SKAP2: variants seen among roughly 807,000 people sequenced by gnomAD.
SKAP2 encodes the protein src kinase-associated phosphoprotein 2.
In SKAP2, 28 loss-of-function variants were observed where a neutral mutation model predicts 54.9. The observed-to-expected ratio is 0.51, with a 90% confidence interval of 0.38 to 0.70. SKAP2 has a LOEUF of 0.70. Among genes scored for constraint, SKAP2 ranks in the 30% least tolerant of loss-of-function variants. The probability of loss-of-function intolerance (pLI) is 0.00; values close to 1 mark genes in which losing one functional copy is unlikely to be tolerated. For synonymous variants in SKAP2, 137 were observed against 134.3 expected, an observed-to-expected ratio of 1.02 and a Z score of -0.14; for missense variants, 356 against 424.1, an observed-to-expected ratio of 0.84 and a Z score of 1.41.
chr7:26,767,314 C>T (rs946395929), intron 4 of SKAP2, among the ~76,000 whole-genome samples: 3 of 151,980 alleles, frequency 2.0e-5, no homozygotes, highest in Non-Finnish European at 4.4e-5. Context: ...CAGTGGTGAT[C>T]GCCCCATTAT....
At chr7:26,692,375 G>A (rs1302092081) in intron 9 of SKAP2, among the ~76,000 whole-genome samples, 2 of 152,026 alleles carry the variant, frequency 1.3e-5, no homozygotes, top group African/African-American at 4.8e-5. Flanking sequence ...AACATGTCTG[G>A]GCAACTGCAA....
At chr7:26,803,772 G>T (rs1400487896) in intron 4 of SKAP2, among the ~76,000 whole-genome samples, 2 of 152,156 alleles carry the variant, frequency 1.3e-5, no homozygotes, top group African/African-American at 4.8e-5. Flanking sequence ...ATACACAATG[G>T]AGTACTATTC....
At chr7:26,754,748 TA>T (rs1253381485) in intron 4 of SKAP2, among the ~76,000 whole-genome samples, 1 of 152,184 alleles carries the variant, frequency 6.6e-6, no homozygotes, top group Non-Finnish European at 1.5e-5. Context: ...CAGCCACACT[TA>T]AACATCACAT....
At chr7:26,792,313 T>C (rs1009087993) in intron 4 of SKAP2, among the ~76,000 whole-genome samples, 8 of 152,190 alleles carry the variant, frequency 5.3e-5, no homozygotes, top group Non-Finnish European at 7.3e-5. Flanking sequence ...ACTCATCACA[T>C]TGTTCACTTT....
chr7:26,834,026 CAGGATTAAG>C lies in SKAP2; in HGVS notation c.307+9995_307+10003del, dbSNP rs1228934658. Among the ~76,000 whole-genome samples the C allele has an allele frequency of 4.6e-5, 7 of 152,318 alleles. No individual in the cohort carries two copies. The East Asian group carries it at 1.4e-3, about 29-fold the overall frequency. Reference sequence around the variant, plus strand: ...ACCACAGTGCAAGTAAATTAGAACTCAGGATTAAGAAACTCACTCAACACCGCACAACTA... The same window carrying C: ...ACCACAGTGCAAGTAAATTAGAACTCAAACTCACTCAACACCGCACAACTA... On this transcript the variant is annotated intron_variant, in intron 4 of 12. Coordinates refer to ENST00000345317, the MANE Select transcript of SKAP2 (RefSeq NM_003930.5).
At position 26,825,222 on chromosome 7, in the gene SKAP2, G is replaced by A. The variant is rs1784464239; in HGVS notation, c.307+18808C>T. 2.0e-5 allele frequency among the ~76,000 whole-genome samples: 3 copies of A among 152,134 alleles called. No homozygotes were observed. In the South Asian group the frequency reaches 6.2e-4, roughly 32 times the overall value. ...TACAGTACTTATGGTATGCATTTGAGATACAGATATTAATACTAGCCTTAC... is the reference window on the plus strand; with the variant it reads ...TACAGTACTTATGGTATGCATTTGAAATACAGATATTAATACTAGCCTTAC... On this transcript the variant is annotated intron_variant, in intron 4 of 12. Transcript: ENST00000345317.
intron 4 of SKAP2, among the ~76,000 whole-genome samples, chr7:26,754,148 G>C (rs1782740551): frequency 6.6e-6 from 1 of 152,096 alleles, no homozygotes; most frequent in African/African-American, 2.4e-5. Context: ...TGGATCACTT[G>C]AGGTCAAGAG....
chr7:26,724,999 C>G (rs10227898), intron 9 of SKAP2, among the ~76,000 whole-genome samples: 1 of 151,798 alleles, frequency 6.6e-6, no homozygotes, highest in African/African-American at 2.4e-5. Context: ...AGGAGAAATA[C>G]GAGGCAGAAG....
intron 9 of SKAP2, among the ~76,000 whole-genome samples, chr7:26,711,282 G>GT (rs939272228): frequency 2.0e-5 from 3 of 151,710 alleles, no homozygotes; most frequent in Admixed American, 1.3e-4. Flanking sequence ...TCTTTTAATT[G>GT]TTTTTTTTCT....
intron 9 of SKAP2, among the ~76,000 whole-genome samples, chr7:26,714,301 A>G (rs1787380796): frequency 6.6e-6 from 1 of 152,170 alleles, no homozygotes; most frequent in Admixed American, 6.5e-5. Flanking sequence ...TATTATATAT[A>G]TTAAAAAAAC....
intron 4 of SKAP2, among the ~76,000 whole-genome samples, chr7:26,787,425 C>A (rs1783575302): frequency 6.6e-6 from 1 of 151,856 alleles, no homozygotes; most frequent in Non-Finnish European, 1.5e-5. Context: ...TGGGCTCAAG[C>A]AATTCTCCTA....
chr7:26,725,612 T>C (rs748280868), intron 8 of SKAP2, 47 bp from the exon 9 acceptor site: 4 of 1,484,012 alleles, frequency 2.7e-6, no homozygotes, highest in Non-Finnish European at 2.7e-6. Context: ...ATGCAGAAGA[T>C]ATTTTTAAAA....
intron 4 of SKAP2, among the ~76,000 whole-genome samples, chr7:26,741,576 AAATT>A (rs1241669154): frequency 0.013 from 269 of 19,976 alleles, 2 homozygotes; most frequent in South Asian, 0.059. Context: ...ATAAATAAAT[AAATT>A]AATAAAATGA....
At chr7:26,675,887 G>T (rs1305070236) in intron 11 of SKAP2, among the ~76,000 whole-genome samples, 2 of 152,182 alleles carry the variant, frequency 1.3e-5, no homozygotes, top group African/African-American at 4.8e-5. Context: ...TGTGCAGAAA[G>T]AAGGTATTTG....
chr7:26,763,866 T>G (rs769222816), intron 4 of SKAP2, among the ~76,000 whole-genome samples: 2 of 152,160 alleles, frequency 1.3e-5, no homozygotes, highest in Non-Finnish European at 2.9e-5. Context: ...TGTAGGCAGC[T>G]GTAACACAAT....
intron 4 of SKAP2, among the ~76,000 whole-genome samples, chr7:26,793,304 G>A (rs1190395309): frequency 6.6e-6 from 1 of 152,140 alleles, no homozygotes; most frequent in Non-Finnish European, 1.5e-5. Flanking sequence ...CCTCCAGGGG[G>A]CCCTTTCCTT....
chr7:26,850,449 A>G (rs1404142648), intron 3 of SKAP2, among the ~76,000 whole-genome samples: 3 of 151,958 alleles, frequency 2.0e-5, no homozygotes, highest in African/African-American at 7.3e-5. Context: ...GCGTACCTAT[A>G]GTCCCAGCTA....
At chr7:26,862,110 T>C (rs1156990904) in intron 1 of SKAP2, among the ~76,000 whole-genome samples, 1 of 151,980 alleles carries the variant, frequency 6.6e-6, no homozygotes, top group Non-Finnish European at 1.5e-5. Flanking sequence ...CCAATATAAA[T>C]ACTTCTATAA....
In SKAP2 at chr7:26,769,983, C is replaced by G. The variant is rs138209419; in HGVS notation, c.308-30019G>C. ...CCCTTAGCAGAGCTTGAGAGCTGTG[C>G]TGGGAGATCTGCTGCGCTCTTCAGA... is the stretch of plus-strand genomic sequence containing the variant. On this transcript the variant is annotated intron_variant, in intron 4 of 12. Transcript: ENST00000345317. 8.5e-3 allele frequency among the ~76,000 whole-genome samples: 1,293 copies of G among 152,292 alleles called. 23 individuals carry two copies. Among genetic ancestry groups the G allele is most frequent in the African/African-American group, 0.03 (1,232 of 41,556 alleles).
Sources: gnomAD v4.1 joint callset for allele counts (sites outside exome capture counted in the v4.1 genomes callset) on GRCh38, gnomAD v4.1.1 for gene constraint, MANE v1.5 for transcripts, NCBI Gene and HGNC (gene_info 2026-07-23, HGNC 2026-07-21) for gene names.